The following CDH13 variants were observed in gnomAD, a reference collection of about 807,000 sequenced individuals.
CDH13 encodes the protein cadherin-13.
CDH13 carries 24 observed loss-of-function variants against 63.8 expected under a neutral mutation model. The observed-to-expected ratio is 0.38, with a 90% CI of 0.27 to 0.53. The LOEUF is 0.53. Ranked by LOEUF, CDH13 falls within the 20% of genes least tolerant of loss-of-function variation. The pLI is 0.85. For synonymous variants in CDH13, 503 were observed against 355.3 expected (o/e 1.42, Z -4.67); for missense variants, 1,049 against 903.1 (o/e 1.16, Z -2.07).
chr16:83,721,184 C>G (rs73252708), intron 10 of CDH13: 18,764 of 152,236 alleles, frequency 0.12, 1,421 homozygotes, highest in African/African-American at 0.21. Context: ...TGAAGGTCAC[C>G]ACCAGTAGCC....
At chr16:83,062,143 C>T (rs554091557) in intron 3 of CDH13, among the ~76,000 whole-genome samples, 4 of 152,304 alleles carry the variant, frequency 2.6e-5, no homozygotes, top group African/African-American at 9.6e-5. Context: ...ACAGAGCCTG[C>T]TCTAGGAATA....
chr16:83,479,911 A>G (rs1028884719), intron 6 of CDH13, among the ~76,000 whole-genome samples: 1 of 152,214 alleles, frequency 6.6e-6, no homozygotes, highest in African/African-American at 2.4e-5. Flanking sequence ...GAGGGTGTCA[A>G]GTCGAATAAA....
Position 83,061,075 on chromosome 16 carries a change from C to T in CDH13, c.366+28857C>T, listed in dbSNP as rs563842021. Among the ~76,000 whole-genome samples, 47 of 152,286 alleles carry T rather than the reference C, an allele frequency of 3.1e-4. No individual in the cohort carries two copies. The South Asian group carries it at 4.6e-3, about 15-fold the overall frequency. On this transcript the variant is annotated intron_variant, in intron 3 of 13. Transcript: ENST00000567109. ...AATAAATACGGGGACTAAGGTATTG[C>T]GCTCTCCATTTTACAAAGGAGAAAT...
chr16:83,285,542 A>G (rs2089288004), intron 5 of CDH13, among the ~76,000 whole-genome samples: 1 of 152,196 alleles, frequency 6.6e-6, no homozygotes, highest in Admixed American at 6.5e-5. Flanking sequence ...CACCATAACC[A>G]TAAAAAAAGC....
At chr16:82,887,637 G>A (rs142643101) in intron 2 of CDH13, among the ~76,000 whole-genome samples, 1,802 of 152,290 alleles carry the variant, frequency 0.012, 34 homozygotes, top group African/African-American at 0.039. Flanking sequence ...TCTGGCCAAC[G>A]TGGTGAAACC....
At chr16:83,374,791 C>T (rs558657351) in intron 6 of CDH13, among the ~76,000 whole-genome samples, 17 of 152,300 alleles carry the variant, frequency 1.1e-4, no homozygotes, top group Non-Finnish European at 1.9e-4. Context: ...AATATCTAGT[C>T]TCCTGTTCTC....
chr16:83,637,307 G>A (rs1911353786), intron 8 of CDH13, among the ~76,000 whole-genome samples: 1 of 5,576 alleles, frequency 1.8e-4, no homozygotes, highest in South Asian at 0.25. Flanking sequence ...CTCCCAGCGT[G>A]AGCGCTCCCA....
At chr16:83,572,741 G>A (rs150666165) in intron 7 of CDH13, among the ~76,000 whole-genome samples, 48 of 152,256 alleles carry the variant, frequency 3.2e-4, no homozygotes, top group Middle Eastern at 3.4e-3. Flanking sequence ...AGAAGAATTC[G>A]GAACAGACCC....
At chr16:83,234,624 G>T (rs1029854350) in intron 5 of CDH13, among the ~76,000 whole-genome samples, 1 of 152,182 alleles carries the variant, frequency 6.6e-6, no homozygotes, top group African/African-American at 2.4e-5. Flanking sequence ...TGATCACTTA[G>T]AAGTTAAGTC....
At chr16:83,380,322 G>A (rs186543672) in intron 6 of CDH13, among the ~76,000 whole-genome samples, 1 of 152,126 alleles carries the variant, frequency 6.6e-6, no homozygotes, top group Non-Finnish European at 1.5e-5. Context: ...GTGCTTTTCT[G>A]TGTTTTCTTA....
chr16:82,818,929 A>C (rs558156031), intron 1 of CDH13, among the ~76,000 whole-genome samples: 20 of 152,218 alleles, frequency 1.3e-4, no homozygotes, highest in African/African-American at 4.6e-4. Context: ...CAATGACAGA[A>C]CTTGCTCCCC....
intron 5 of CDH13, among the ~76,000 whole-genome samples, chr16:83,310,865 C>T (rs1260658426): frequency 6.6e-6 from 1 of 152,188 alleles, no homozygotes; most frequent in African/African-American, 2.4e-5. Flanking sequence ...TCCTAACAAA[C>T]CCAACTGAGC....
At chr16:83,138,669 G>T (rs554856137) in intron 4 of CDH13, among the ~76,000 whole-genome samples, 1 of 152,124 alleles carries the variant, frequency 6.6e-6, no homozygotes, top group South Asian at 2.1e-4. Context: ...CTTTTTCTAC[G>T]GATGACTAAG....
intron 2 of CDH13, among the ~76,000 whole-genome samples, chr16:83,016,670 T>G (rs1397020787): frequency 6.6e-6 from 1 of 152,134 alleles, no homozygotes; most frequent in Non-Finnish European, 1.5e-5. Context: ...TAGATGGTGT[T>G]CTTGAGCCCC....
chr16:82,884,142 C>G, intron 2 of CDH13: 1 of 450,996 alleles, frequency 2.2e-6, no homozygotes, highest in South Asian at 1.6e-5. Context: ...TCTGCATGCA[C>G]GCTGTTTCTT....
intron 1 of CDH13, among the ~76,000 whole-genome samples, chr16:82,686,083 C>G (rs994061769): frequency 2.0e-5 from 3 of 152,156 alleles, no homozygotes; most frequent in Non-Finnish European, 4.4e-5. Flanking sequence ...ACCCTTAGCT[C>G]CACTTCCACA....
intron 1 of CDH13, among the ~76,000 whole-genome samples, chr16:82,634,938 A>G (rs1049783992): frequency 1.3e-5 from 2 of 152,238 alleles, no homozygotes; most frequent in African/African-American, 4.8e-5. Context: ...TGCAGGATAC[A>G]GTTGCTCATA....
intron 10 of CDH13, among the ~76,000 whole-genome samples, chr16:83,741,834 A>G (rs1283002774): frequency 2.0e-5 from 3 of 152,156 alleles, no homozygotes; most frequent in African/African-American, 7.2e-5. Context: ...CTGGGCCACA[A>G]CATCAGATTG....
chr16:83,249,100 C>T (rs1239284126), intron 5 of CDH13, among the ~76,000 whole-genome samples: 1 of 152,174 alleles, frequency 6.6e-6, no homozygotes, highest in Non-Finnish European at 1.5e-5. Flanking sequence ...AACACAAATT[C>T]ACCAACTTTT....
Sources: gnomAD v4.1 joint callset for allele counts (sites outside exome capture counted in the v4.1 genomes callset) on GRCh38, gnomAD v4.1.1 for gene constraint, MANE v1.5 for transcripts, NCBI Gene and HGNC (gene_info 2026-07-23, HGNC 2026-07-21) for gene names.